Variants in TSPAN5 observed in about 807,000 individuals in gnomAD.
The protein encoded by TSPAN5 is tetraspanin-5.
TSPAN5 carries 10 observed loss-of-function variants against 37.1 expected under a neutral mutation model. That is an observed-to-expected ratio of 0.27 (90% CI 0.17 to 0.46). The LOEUF (loss-of-function observed/expected upper bound fraction) is 0.46. Among genes scored for constraint, TSPAN5 ranks in the 20% least tolerant of loss-of-function variants. TSPAN5 has a pLI of 1.00. For synonymous variants in TSPAN5, 110 were observed against 118.9 expected, an observed-to-expected ratio of 0.93 and a Z score of 0.48; for missense variants, 195 against 326.6, an observed-to-expected ratio of 0.60 and a Z score of 3.11.
intron 2 of TSPAN5, among the ~76,000 whole-genome samples, chr4:98,497,332 A>G (rs996752791): frequency 5.9e-5 from 9 of 151,290 alleles, no homozygotes; most frequent in East Asian, 5.8e-4. Flanking sequence ...AAAAAAAAAA[A>G]AAAGAAAAGG....
At chr4:98,527,749 C>T (rs1405280715) in intron 1 of TSPAN5, among the ~76,000 whole-genome samples, 1 of 152,192 alleles carries the variant, frequency 6.6e-6, no homozygotes, top group Non-Finnish European at 1.5e-5. Flanking sequence ...ATGAAGTGCA[C>T]AGGGCTCCCT....
chr4:98,591,709 GTTTT>G (rs1226274277), intron 1 of TSPAN5, among the ~76,000 whole-genome samples: 1 of 131,836 alleles, frequency 7.6e-6, no homozygotes, highest in African/African-American at 2.9e-5. Flanking sequence ...TAATTTCATG[GTTTT>G]TTTTCTTTTT....
chr4:98,644,163 G>T (rs1234245066), intron 1 of TSPAN5, among the ~76,000 whole-genome samples: 1 of 151,940 alleles, frequency 6.6e-6, no homozygotes. Context: ...TATTCACAAG[G>T]TATTTGCTCT....
intron 1 of TSPAN5, among the ~76,000 whole-genome samples, chr4:98,654,972 G>A (rs1412493880): frequency 9.2e-5 from 14 of 151,964 alleles, no homozygotes; most frequent in South Asian, 6.2e-4. Context: ...TCAGCCTCCC[G>A]AGTAGCTGGG....
intron 1 of TSPAN5, among the ~76,000 whole-genome samples, chr4:98,627,553 C>T (rs972859643): frequency 1.6e-4 from 24 of 152,196 alleles, no homozygotes; most frequent in African/African-American, 5.5e-4. Context: ...CTTACTCCCC[C>T]ATTCCTCCAT....
chr4:98,637,359 C>T (rs1756879308), intron 1 of TSPAN5, among the ~76,000 whole-genome samples: 1 of 152,170 alleles, frequency 6.6e-6, no homozygotes, highest in Non-Finnish European at 1.5e-5. Flanking sequence ...CCATTAACAT[C>T]TACTTTCTGA....
At chr4:98,477,474 C>T (rs1560504851) in intron 5 of TSPAN5, among the ~76,000 whole-genome samples, 1 of 152,242 alleles carries the variant, frequency 6.6e-6, no homozygotes, top group East Asian at 1.9e-4. Flanking sequence ...GAAGGAGCAT[C>T]CCCACTGAGC....
intron 2 of TSPAN5, among the ~76,000 whole-genome samples, chr4:98,493,382 A>G (rs1753127292): frequency 6.6e-6 from 1 of 152,198 alleles, no homozygotes; most frequent in Admixed American, 6.5e-5. Flanking sequence ...CGCAGATAAC[A>G]TCAGAAAATA....
intron 1 of TSPAN5, among the ~76,000 whole-genome samples, chr4:98,549,589 G>A (rs1014082692): frequency 6.6e-6 from 1 of 152,052 alleles, no homozygotes; most frequent in Non-Finnish European, 1.5e-5. Flanking sequence ...ATGAGCCACT[G>A]CACCTGGCCT....
intron 1 of TSPAN5, among the ~76,000 whole-genome samples, chr4:98,514,448 G>A (rs935314376): frequency 2.0e-5 from 3 of 152,222 alleles, no homozygotes; most frequent in Non-Finnish European, 4.4e-5. Flanking sequence ...TGTCAAAGGA[G>A]TAACTGTGGG....
chr4:98,500,378 A>C (rs1578949790), intron 2 of TSPAN5: 1 of 152,466 alleles, frequency 6.6e-6, no homozygotes, highest in East Asian at 1.9e-4. Context: ...AAGAAACATC[A>C]TCTACAGCAA....
At chr4:98,512,095 C>A (rs531388643) in intron 1 of TSPAN5, among the ~76,000 whole-genome samples, 6 of 152,272 alleles carry the variant, frequency 3.9e-5, no homozygotes, top group Admixed American at 3.9e-4. Context: ...CACCTGTAGT[C>A]CCAGCTACTT....
At chr4:98,631,038 A>G (rs1756734366) in intron 1 of TSPAN5, among the ~76,000 whole-genome samples, 1 of 152,226 alleles carries the variant, frequency 6.6e-6, no homozygotes, top group Non-Finnish European at 1.5e-5. Context: ...TTGGCAAAGA[A>G]CACAAGATGC....
intron 1 of TSPAN5, among the ~76,000 whole-genome samples, chr4:98,541,928 T>G (rs1754368651): frequency 6.6e-6 from 1 of 152,108 alleles, no homozygotes; most frequent in Non-Finnish European, 1.5e-5. Context: ...GTGGGTTTTA[T>G]TAAGGGATTA....
At chr4:98,590,088 A>G (rs2110206278) in intron 1 of TSPAN5, among the ~76,000 whole-genome samples, 1 of 152,278 alleles carries the variant, frequency 6.6e-6, no homozygotes, top group Admixed American at 6.5e-5. Flanking sequence ...TACACAACAC[A>G]GACCATGAAA....
rs1579008949 is a variant in TSPAN5 at position 98,583,828 on chromosome 4, G to A, written c.81+74318C>T. Reference sequence around the variant, plus strand: ...TGTAAAGTGCCCAGGAGGAGACGTGGCTCCTGCACCTGTGATTGCTATTAT... The same window carrying A: ...TGTAAAGTGCCCAGGAGGAGACGTGACTCCTGCACCTGTGATTGCTATTAT... On this transcript the variant is annotated intron_variant, in intron 1 of 7. Coordinates refer to ENST00000305798, the MANE Select transcript of TSPAN5 (RefSeq NM_005723.4). 2.0e-5 allele frequency among the ~76,000 whole-genome samples: 3 copies of A among 152,296 alleles called. 1 individual carries two copies. The highest frequency in any genetic ancestry group is 6.9e-3 in the Middle Eastern group (2 of 290).
intron 1 of TSPAN5, among the ~76,000 whole-genome samples, chr4:98,575,681 A>G (rs1020790995): frequency 1.3e-5 from 2 of 151,956 alleles, no homozygotes; most frequent in Non-Finnish European, 2.9e-5. Context: ...CAACAGTCAC[A>G]TAATATTCTA....
chr4:98,559,751 T>C (rs534294438), intron 1 of TSPAN5, among the ~76,000 whole-genome samples: 1 of 152,314 alleles, frequency 6.6e-6, no homozygotes, highest in Admixed American at 6.5e-5. Context: ...AGTCTCAACA[T>C]CCAGGTGCTC....
intron 1 of TSPAN5, among the ~76,000 whole-genome samples, chr4:98,598,466 G>GTTT (rs369060559): frequency 6.7e-6 from 1 of 148,188 alleles, no homozygotes; most frequent in African/African-American, 2.5e-5. Context: ...CCTCCCTCCT[G>GTTT]TTTTTTTTTT....
Sources: gnomAD v4.1 joint callset for allele counts (sites outside exome capture counted in the v4.1 genomes callset) on GRCh38, gnomAD v4.1.1 for gene constraint, MANE v1.5 for transcripts, NCBI Gene and HGNC (gene_info 2026-07-23, HGNC 2026-07-21) for gene names.